The following HIPK2 variants were observed in gnomAD, a reference collection of about 807,000 sequenced individuals.
HIPK2 encodes homeodomain interacting protein kinase 2.
A neutral mutation model predicts 113.7 loss-of-function variants in HIPK2; 27 were observed. The ratio of observed to expected loss-of-function variants is 0.24; its 90% CI spans 0.17 to 0.33. The LOEUF is 0.33. HIPK2 is among the 10% of genes least tolerant of loss of function. The probability of loss-of-function intolerance (pLI) is 1.00; values close to 1 mark genes in which losing one functional copy is unlikely to be tolerated. For synonymous variants in HIPK2, 631 were observed against 642.2 expected (o/e 0.98, Z 0.26); for missense variants, 1,257 against 1,588.0 (o/e 0.79, Z 3.54).
At chr7:139,615,994 A>T (rs1255213777) in intron 7 of HIPK2, among the ~76,000 whole-genome samples, 1 of 152,022 alleles carries the variant, frequency 6.6e-6, no homozygotes, top group African/African-American at 2.4e-5. Flanking sequence ...TGTTTTCTCC[A>T]TATCGCGATC....
At chr7:139,774,297 T>A (rs918870884) in intron 1 of HIPK2, among the ~76,000 whole-genome samples, 13 of 152,192 alleles carry the variant, frequency 8.5e-5, no homozygotes, top group African/African-American at 3.1e-4. Flanking sequence ...ATGGAGTTCC[T>A]GCACAGTCCA....
intron 10 of HIPK2, among the ~76,000 whole-genome samples, chr7:139,601,556 T>A (rs781410951): frequency 6.6e-5 from 10 of 152,222 alleles, no homozygotes; most frequent in Non-Finnish European, 1.3e-4. Flanking sequence ...ATAATTAGAT[T>A]AACTGAAGGT....
intron 2 of HIPK2, among the ~76,000 whole-genome samples, chr7:139,685,184 TG>T (rs2116736032): frequency 6.6e-6 from 1 of 152,330 alleles, no homozygotes; most frequent in Non-Finnish European, 1.5e-5. Context: ...TTTTCTTTTT[TG>T]TTTGAGACAG....
chr7:139,614,295 C>G lies in HIPK2; in HGVS notation c.1981G>C (p.Gly661Arg). The change falls in exon 8 of 15, where the codon GGC (glycine) becomes CGC (arginine). Residue 661 changes from glycine to arginine, a missense_variant. This residue lies in a region of HIPK2 where 862 missense variants were observed against 1,004.3 expected (regional missense o/e 0.86). Transcript: ENST00000406875. ...FQQALIVCPP[G>R]FQGLQASPSK... ...GGCTGCTCAATCTTACCTTGGAAGC[C>G]GGGGGGACACACGATGAGAGCTTGC... is the stretch of plus-strand genomic sequence containing the variant. The G allele has an allele frequency of 7.3e-6, 11 of 1,506,728 alleles. No individual in the cohort carries two copies. Among genetic ancestry groups the G allele is most frequent in the Non-Finnish European group, 9.9e-6 (11 of 1,113,762 alleles). The allele number at this position is 1,506,728 out of a possible 1,614,324, so 93.3% of individuals were successfully genotyped here.
chr7:139,776,805 C>G (rs1308831444), intron 1 of HIPK2, among the ~76,000 whole-genome samples: 1 of 152,194 alleles, frequency 6.6e-6, no homozygotes, highest in East Asian at 1.9e-4. Flanking sequence ...TGGAAGCTGA[C>G]AGAACGGACT....
intron 2 of HIPK2, among the ~76,000 whole-genome samples, chr7:139,712,969 A>G (rs1007855755): frequency 6.6e-6 from 1 of 152,178 alleles, no homozygotes; most frequent in African/African-American, 2.4e-5. Context: ...TATTTTTGGA[A>G]CCAGGGCTGG....
intron 2 of HIPK2, among the ~76,000 whole-genome samples, chr7:139,665,502 T>C (rs1802017270): frequency 6.6e-6 from 1 of 152,230 alleles, no homozygotes; most frequent in Admixed American, 6.5e-5. Context: ...ATGCCCTAGC[T>C]ATGCATGCGC....
chr7:139,575,983 A>C (rs545488109), intron 13 of HIPK2, among the ~76,000 whole-genome samples: 1 of 152,364 alleles, frequency 6.6e-6, no homozygotes, highest in South Asian at 2.1e-4. Flanking sequence ...ACTTCTATTG[A>C]TTATAAATTA....
chr7:139,678,685 T>A (rs2116693672), intron 2 of HIPK2, among the ~76,000 whole-genome samples: 1 of 152,098 alleles, frequency 6.6e-6, no homozygotes, highest in East Asian at 1.9e-4. Context: ...ATATGAAATT[T>A]AATTCTGTGA....
At chr7:139,774,746 G>A (rs533341565) in intron 1 of HIPK2, among the ~76,000 whole-genome samples, 38 of 152,296 alleles carry the variant, frequency 2.5e-4, no homozygotes, top group African/African-American at 8.9e-4. Context: ...AGACCTTGGT[G>A]GTTGGCCTTT....
intron 2 of HIPK2, among the ~76,000 whole-genome samples, chr7:139,664,933 C>T (rs1310532465): frequency 6.6e-6 from 1 of 152,206 alleles, no homozygotes; most frequent in Non-Finnish European, 1.5e-5. Context: ...CAGACTCCTT[C>T]CTCTGACCTT....
intron 1 of HIPK2, among the ~76,000 whole-genome samples, chr7:139,727,011 C>T (rs1795598349): frequency 6.6e-6 from 1 of 151,944 alleles, no homozygotes; most frequent in Non-Finnish European, 1.5e-5. Context: ...CTATATGCAA[C>T]AAGAAAAAAG....
rs529919554 is a variant in HIPK2, at chr7:139,763,893, C to T, written c.19+13712G>A. Among the ~76,000 whole-genome samples the T allele has an allele frequency of 5.3e-4, 80 of 152,218 alleles. 1 individual carries two copies. The highest frequency in any genetic ancestry group is 9.3e-4 in the Non-Finnish European group (63 of 68,040). ...CCTGTTTCAGCTCTTATACTATAAA[C>T]AAGTACCCTTTCAACTGTCTATATA... On this transcript the variant is annotated intron_variant, in intron 1 of 14. Transcript: ENST00000406875.
At chr7:139,581,112 T>C (rs149326350) in intron 13 of HIPK2, among the ~76,000 whole-genome samples, 7,370 of 152,110 alleles carry the variant, frequency 0.048, 587 homozygotes, top group African/African-American at 0.17. Flanking sequence ...CCCAGCTATT[T>C]GGGAGGCTGA....
At chr7:139,594,251 CTG>C (rs1452255484) in intron 12 of HIPK2, among the ~76,000 whole-genome samples, 2 of 152,170 alleles carry the variant, frequency 1.3e-5, no homozygotes, top group Non-Finnish European at 2.9e-5. Flanking sequence ...GGGACTGACA[CTG>C]TGTTTTGTGT....
intron 1 of HIPK2, among the ~76,000 whole-genome samples, chr7:139,758,453 T>G (rs1182519966): frequency 6.7e-6 from 1 of 149,180 alleles, no homozygotes; most frequent in African/African-American, 2.6e-5. Context: ...CAGAACATAC[T>G]CTAAAACAGG....
At chr7:139,659,641 TCCTTGGCCTATG>T (rs764373478) in intron 2 of HIPK2, among the ~76,000 whole-genome samples, 13 of 152,352 alleles carry the variant, frequency 8.5e-5, no homozygotes, top group African/African-American at 2.2e-4. Context: ...TTATTCCCTG[TCCTTGGCCTATG>T]CCTTGGCCTA....
rs544235565 is a variant in HIPK2, at chr7:139,632,917, A to AAAAC, written c.1104-1196_1104-1193dup. Among the ~76,000 whole-genome samples, 357 of 151,876 alleles carry AAAAC rather than the reference A, an allele frequency of 2.4e-3. 4 individuals are homozygous for AAAAC. Among genetic ancestry groups the AAAAC allele is most frequent in the East Asian group, 4.1e-3 (21 of 5,152 alleles). On this transcript the variant is annotated intron_variant, in intron 2 of 14. Transcript: ENST00000406875. The stretch of plus-strand genomic sequence containing the variant: ...ACATGGCAAAACCCTGTCTCTACCA[A>AAAAC]AAACAAACAAACAAACAAACAAACC...
chr7:139,594,654 C>T (rs1025134469), intron 12 of HIPK2, among the ~76,000 whole-genome samples: 2 of 152,170 alleles, frequency 1.3e-5, no homozygotes, highest in Admixed American at 6.5e-5. Flanking sequence ...ATTCTGGGAG[C>T]TCCCAGTCAC....
Sources: allele counts gnomAD v4.1 joint callset (sites outside exome capture counted in the v4.1 genomes callset), GRCh38; gene constraint gnomAD v4.1.1; regional missense constraint gnomAD v4.1.1; transcripts MANE v1.5; gene names NCBI Gene and HGNC (gene_info 2026-07-23, HGNC 2026-07-21).